PHF24: variants seen among roughly 807,000 people sequenced by gnomAD.
The protein encoded by PHF24 is PHD finger protein 24, also known as Galpha inhibitory interacting protein.
PHF24 carries 25 observed loss-of-function variants against 42.6 expected under a neutral mutation model. The ratio of observed to expected loss-of-function variants is 0.59; its 90% CI spans 0.43 to 0.82. The LOEUF (loss-of-function observed/expected upper bound fraction) is 0.82. PHF24 is among the 40% of genes least tolerant of loss of function. The pLI is 0.00. For missense variants in PHF24, 470 were observed against 538.1 expected (o/e 0.87, Z 1.25); for synonymous variants, 185 against 204.8 (o/e 0.90, Z 0.83).
chr9:34,902,764 T>G, the PHF24 span, among the ~76,000 whole-genome samples: 1 of 152,228 alleles, frequency 6.6e-6, no homozygotes, highest in Non-Finnish European at 1.5e-5. Flanking sequence ...TTCTGAAATT[T>G]TATTCCTATC....
At chr9:34,852,352 C>T in the PHF24 span, among the ~76,000 whole-genome samples, 1 of 152,072 alleles carries the variant, frequency 6.6e-6, no homozygotes, top group Non-Finnish European at 1.5e-5. Context: ...GGTCAGTGCC[C>T]CAGCCCCTAC....
At chr9:34,945,623 C>T in the PHF24 span, among the ~76,000 whole-genome samples, 5 of 152,088 alleles carry the variant, frequency 3.3e-5, no homozygotes, top group African/African-American at 9.7e-5. Flanking sequence ...GGAGTGGATT[C>T]ACTGTCATAG....
At chr9:34,851,320 C>T in the PHF24 span, among the ~76,000 whole-genome samples, 483 of 152,324 alleles carry the variant, frequency 3.2e-3, 5 homozygotes, top group African/African-American at 0.011. Flanking sequence ...CTCCCCTCCC[C>T]CAGCCTCGCT....
At chr9:34,873,697 T>C in the PHF24 span, among the ~76,000 whole-genome samples, 2 of 150,006 alleles carry the variant, frequency 1.3e-5, no homozygotes, top group Non-Finnish European at 3.0e-5. Flanking sequence ...GGCTCTTTTT[T>C]GGTTCCATAT....
At chr9:34,854,258 T>A in the PHF24 span, among the ~76,000 whole-genome samples, 2 of 151,796 alleles carry the variant, frequency 1.3e-5, no homozygotes, top group Admixed American at 6.6e-5. Context: ...AAGAGTTTTT[T>A]TGTGTCTCTG....
the PHF24 span, among the ~76,000 whole-genome samples, chr9:34,680,007 A>G: frequency 6.6e-6 from 1 of 152,222 alleles, no homozygotes. Flanking sequence ...CTGTTGGCTC[A>G]CAGGAGCTGT....
At chr9:34,689,517 T>TA in the PHF24 span, 1 of 353,294 alleles carries the variant, frequency 2.8e-6, no homozygotes, top group African/African-American at 2.1e-5. This position sits in a 1 kb window ranked among gnomAD's most constrained non-coding sequence, Gnocchi z 4.1. Context: ...TAAGGCTAGT[T>TA]AAGCAGTAGG....
At chr9:34,825,535 G>A in the PHF24 span, among the ~76,000 whole-genome samples, 1 of 152,016 alleles carries the variant, frequency 6.6e-6, no homozygotes, top group Non-Finnish European at 1.5e-5. Context: ...TCTGTTCTGT[G>A]TGCAAACTTG....
At chr9:34,840,479 TCC>T in the PHF24 span, among the ~76,000 whole-genome samples, 1 of 151,712 alleles carries the variant, frequency 6.6e-6, no homozygotes, top group South Asian at 2.1e-4. Context: ...CTCCTCCTCC[TCC>T]TTCTTCTTCC....
At chr9:34,972,207 CAA>C in intron 2 of PHF24, 137 bp from the exon 3 acceptor site, 1 of 712,446 alleles carries the variant, frequency 1.4e-6, no homozygotes, top group Non-Finnish European at 2.3e-6. Flanking sequence ...AAAACCTCAA[CAA>C]TGGCTTCAGT....
chr9:34,957,305 C>T (rs913779547), upstream of PHF24, among the ~76,000 whole-genome samples: 2 of 152,088 alleles, frequency 1.3e-5, no homozygotes, highest in Non-Finnish European at 2.9e-5. Flanking sequence ...AAATTGAATG[C>T]ACAAGAAAAT....
the PHF24 span, chr9:34,835,327 T>C: frequency 4.5e-6 from 7 of 1,551,500 alleles, no homozygotes; most frequent in Non-Finnish European, 3.5e-6. Flanking sequence ...AATACAATGG[T>C]GGGTTTGGCA....
chr9:34,690,062 C>T, the PHF24 span: 1 of 1,599,640 alleles, frequency 6.3e-7, no homozygotes, highest in South Asian at 1.1e-5. Context: ...CCCCAGAATC[C>T]AGCATGCCTG....
the PHF24 span, chr9:34,723,917 G>A: frequency 3.2e-6 from 5 of 1,551,576 alleles, no homozygotes; most frequent in Non-Finnish European, 4.4e-6. Flanking sequence ...GTGTTGACAG[G>A]GATCAGCAAG....
At chr9:34,774,137 C>G in the PHF24 span, among the ~76,000 whole-genome samples, 1 of 152,098 alleles carries the variant, frequency 6.6e-6, no homozygotes, top group Non-Finnish European at 1.5e-5. Flanking sequence ...CTAAATAAGA[C>G]TCTTGGCAGA....
chr9:34,803,258 A>G, the PHF24 span, among the ~76,000 whole-genome samples: 5 of 152,142 alleles, frequency 3.3e-5, no homozygotes, highest in African/African-American at 9.7e-5. Flanking sequence ...CCAAAAACAC[A>G]CTAGGGAAAA....
the PHF24 span, chr9:34,894,920 G>T: frequency 2.5e-6 from 1 of 397,206 alleles, no homozygotes; most frequent in African/African-American, 2.1e-5. Flanking sequence ...TCCCTGGGGG[G>T]TACTAGAGTC....
the PHF24 span, chr9:34,917,526 G>A: frequency 3.9e-6 from 3 of 774,778 alleles, no homozygotes; most frequent in East Asian, 4.9e-5. Flanking sequence ...AGGCACACCT[G>A]TAAACGGATA....
chr9:34,741,279 A>G, the PHF24 span, among the ~76,000 whole-genome samples: 3 of 152,288 alleles, frequency 2.0e-5, no homozygotes, highest in African/African-American at 7.2e-5. Flanking sequence ...AAGGCTGGCT[A>G]CTAGACAGGT....
Sources: gnomAD v4.1 joint callset for allele counts (sites outside exome capture counted in the v4.1 genomes callset) on GRCh38, gnomAD v4.1.1 for gene constraint, Gnocchi (gnomAD v3.1) non-coding constraint, MANE v1.5 for transcripts, NCBI Gene and HGNC (gene_info 2026-07-23, HGNC 2026-07-21) for gene names.